The following PSMA2 variants were observed in gnomAD, a reference collection of about 807,000 sequenced individuals.
The protein encoded by PSMA2 is proteasome 20S subunit alpha 2.
PSMA2 carries 2 observed loss-of-function variants against 35.9 expected under a neutral mutation model. That is an observed-to-expected ratio of 0.06 (90% CI 0.02 to 0.18). PSMA2 has a LOEUF of 0.18. Among genes scored for constraint, PSMA2 ranks in the 10% least tolerant of loss-of-function variants. The pLI, the probability that PSMA2 is intolerant of heterozygous loss-of-function variation, is 1.00. For missense variants in PSMA2, 126 were observed against 278.8 expected (o/e 0.45, Z 3.90); for synonymous variants, 97 against 98.2 (o/e 0.99, Z 0.07).
intron 1 of PSMA2, among the ~76,000 whole-genome samples, chr7:42,931,503 C>T (rs1013832296): frequency 7.0e-6 from 1 of 142,388 alleles, no homozygotes; most frequent in Admixed American, 7.3e-5. Flanking sequence ...CCCAGTCCAC[C>T]AAAAAAAGAC....
chr7:42,929,601 T>C (rs1417222122), intron 1 of PSMA2, among the ~76,000 whole-genome samples: 1 of 151,786 alleles, frequency 6.6e-6, no homozygotes, highest in Non-Finnish European at 1.5e-5. Flanking sequence ...TGAAATAGCC[T>C]TCTAACTGGT....
chr7:42,928,984 T>A (rs933525569), intron 1 of PSMA2, among the ~76,000 whole-genome samples: 4 of 148,364 alleles, frequency 2.7e-5, no homozygotes, highest in Non-Finnish European at 6.0e-5. Context: ...GAATTGTTAT[T>A]TTTTTTTTTT....
In PSMA2 at chr7:42,919,776, T is replaced by C. The variant is rs112042162; in HGVS notation, c.531-1941A>G. 571 of 652,804 alleles carry C rather than the reference T, an allele frequency of 8.7e-4. 4 individuals are homozygous for C. In the African/African-American group the frequency reaches 9.5e-3, roughly 11 times the overall value. 40.4% of individuals were successfully genotyped at this position (652,804 alleles called of 1,614,324 possible). ...AATTTCTTGTTGCAGGTGGTGAAGA[T>C]GTTAAACTTATAAGTATGATGATAA... On this transcript the variant is annotated intron_variant, in intron 6 of 7. Coordinates refer to ENST00000223321, the MANE Select transcript of PSMA2 (RefSeq NM_002787.5).
intron 2 of PSMA2, 74 bp downstream of exon 2, chr7:42,927,309 T>G: frequency 7.5e-7 from 1 of 1,329,784 alleles, no homozygotes; most frequent in South Asian, 1.2e-5. Flanking sequence ...CTGTATAAAT[T>G]AATTACTAAT....
At chr7:42,931,559 TA>T (rs1562704147) in intron 1 of PSMA2, among the ~76,000 whole-genome samples, 1 of 151,662 alleles carries the variant, frequency 6.6e-6, no homozygotes, top group Non-Finnish European at 1.5e-5. Flanking sequence ...AAAAAAGTGA[TA>T]GGGGCTTTCG....
intron 1 of PSMA2, among the ~76,000 whole-genome samples, chr7:42,931,403 G>GA: frequency 6.6e-6 from 1 of 152,098 alleles, no homozygotes; most frequent in Non-Finnish European, 1.5e-5. Context: ...CTGTATTTTG[G>GA]AAAGTAAACT....
intron 3 of PSMA2, among the ~76,000 whole-genome samples, chr7:42,925,425 AAG>A (rs746722349): frequency 1.3e-5 from 2 of 152,196 alleles, no homozygotes; most frequent in Non-Finnish European, 2.9e-5. Context: ...TCAGATGTGA[AAG>A]AGGAGGGAGA....
At chr7:42,930,290 C>A (rs1330208332) in intron 1 of PSMA2, among the ~76,000 whole-genome samples, 1 of 152,028 alleles carries the variant, frequency 6.6e-6, no homozygotes, top group Non-Finnish European at 1.5e-5. Context: ...TATGGGGTAT[C>A]ACTTTGTGAC....
At chr7:42,920,357 A>G (rs667209) in intron 6 of PSMA2, 129,951 of 153,574 alleles carry the variant, frequency 0.85, 55,187 homozygotes, top group South Asian at 0.91. Context: ...GATAACATCC[A>G]ACTTCTCTTA....
chr7:42,917,862 T>C, intron 6 of PSMA2, 27 bp from the exon 7 acceptor site: 2 of 1,401,692 alleles, frequency 1.4e-6, no homozygotes, highest in South Asian at 1.3e-5. Flanking sequence ...AAATTACTTA[T>C]ATCATTGTTT....
chr7:42,927,290 G>T, intron 2 of PSMA2, 93 bp downstream of exon 2: 1 of 1,117,676 alleles, frequency 8.9e-7, no homozygotes, highest in Non-Finnish European at 1.3e-6. Flanking sequence ...AAATTATACT[G>T]CTGCAGCTCT....
chr7:42,924,807 A>G lies in PSMA2; in HGVS notation c.252-10T>C. 4 of 1,604,690 alleles carry G rather than the reference A, an allele frequency of 2.5e-6. No homozygotes were observed. The highest frequency in any genetic ancestry group is 3.4e-6 in the Non-Finnish European group (4 of 1,175,222). On this transcript the variant is annotated splice_polypyrimidine_tract_variant and intron_variant, in intron 3 of 7. Transcript: ENST00000223321. ...TCTGTGCACAAGCACTCTAACAAGG[A>G]AAAAATAAGATTTAATTACACAGAA...
At chr7:42,930,414 G>C (rs1335048760) in intron 1 of PSMA2, among the ~76,000 whole-genome samples, 1 of 151,864 alleles carries the variant, frequency 6.6e-6, no homozygotes, top group Non-Finnish European at 1.5e-5. Context: ...CACATGCCTG[G>C]CTAATTTTTT....
intron 6 of PSMA2, 156 bp downstream of exon 6, chr7:42,921,702 T>C (rs1352456327): frequency 4.4e-6 from 2 of 459,496 alleles, no homozygotes; most frequent in African/African-American, 4.0e-5. Context: ...TCTAGGAAAC[T>C]AGAAGGGAGA....
At chr7:42,928,009 G>C (rs1046160487) in intron 1 of PSMA2, among the ~76,000 whole-genome samples, 4 of 151,920 alleles carry the variant, frequency 2.6e-5, no homozygotes, top group African/African-American at 9.7e-5. Context: ...TTTTTTGTCT[G>C]CCACATGGAG....
chr7:42,926,757 T>C, intron 2 of PSMA2, 89 bp from the exon 3 acceptor site: 1 of 1,293,902 alleles, frequency 7.7e-7, no homozygotes, highest in Non-Finnish European at 1.0e-6. Context: ...AAACGCAAAC[T>C]CCTTTATTTC....
In PSMA2 at chr7:42,923,128, A is replaced by G. The variant is rs112179505; in HGVS notation, c.456+197T>C. Among the ~76,000 whole-genome samples the G allele has an allele frequency of 2.7e-3, 415 of 152,352 alleles. 4 individuals carry two copies. The highest frequency in any genetic ancestry group is 9.7e-3 in the African/African-American group (403 of 41,578). ...AACATGGCAAAAGAGGGTAGAACTA[A>G]TACAGCTTCCTTATCAGAAGACCAA... On this transcript the variant is annotated intron_variant, in intron 5 of 7. Transcript: ENST00000223321.
chr7:42,925,031 T>C (rs780874804), intron 3 of PSMA2, among the ~76,000 whole-genome samples: 1 of 152,146 alleles, frequency 6.6e-6, no homozygotes, highest in Non-Finnish European at 1.5e-5. Context: ...TGTACAAAAA[T>C]GAGAACTTTA....
chr7:42,926,571 T>C lies in PSMA2; in HGVS notation c.216A>G (p.Ile72Met). Residue 72 changes from isoleucine (I) to methionine (M), a missense_variant, in exon 3 of 8, where the codon ATA becomes ATG. By Grantham distance (10) the Ile-to-Met change is conservative. Transcript: ENST00000223321. ...VHKVEPITKH[I>M]GLVYSGMGPD... ...GGCCCATGCCACTGTACACCAAACC[T>C]ATATGCTTGGTAATTGGTTCTACTT... 1.2e-6 allele frequency: 2 copies of C among 1,608,996 alleles called. No individual in the cohort carries two copies. The highest frequency in any genetic ancestry group is 1.7e-6 in the Non-Finnish European group (2 of 1,178,634).
Sources: allele counts gnomAD v4.1 joint callset (sites outside exome capture counted in the v4.1 genomes callset), GRCh38; gene constraint gnomAD v4.1.1; transcripts MANE v1.5; gene names NCBI Gene and HGNC (gene_info 2026-07-23, HGNC 2026-07-21).